Variants in DCC observed in about 807,000 individuals in gnomAD.
The protein encoded by DCC is DCC netrin 1 receptor.
DCC carries 58 observed loss-of-function variants against 172.5 expected under a neutral mutation model. The ratio of observed to expected loss-of-function variants is 0.34; its 90% CI spans 0.27 to 0.42. The LOEUF (loss-of-function observed/expected upper bound fraction) is 0.42. Among genes scored for constraint, DCC ranks in the 10% least tolerant of loss-of-function variants. DCC has a pLI of 1.00. For synonymous variants in DCC, 709 were observed against 644.5 expected (o/e 1.10, Z -1.52); for missense variants, 1,740 against 1,791.0 (o/e 0.97, Z 0.51).
chr18:53,234,436 AAAAT>A (rs151068016), intron 12 of DCC, among the ~76,000 whole-genome samples: 6,561 of 151,822 alleles, frequency 0.043, 436 homozygotes, highest in African/African-American at 0.15. Flanking sequence ...TCAAATTAAA[AAAAT>A]AAATAAATAA....
chr18:53,135,234 G>A (rs1031551813), intron 7 of DCC, among the ~76,000 whole-genome samples: 1 of 152,222 alleles, frequency 6.6e-6, no homozygotes. Context: ...TGATGGGAGA[G>A]GCCAGGTAAT....
rs149752885 is a variant in DCC at position 53,330,521 on chromosome 18, C to T, written c.2164+8364C>T. Among the ~76,000 whole-genome samples the T allele has an allele frequency of 4.6e-5, 7 of 152,256 alleles. No individual in the cohort carries two copies. In the East Asian group the frequency reaches 1.4e-3, roughly 29 times the overall value. On this transcript the variant is annotated intron_variant, in intron 14 of 28. Coordinates refer to ENST00000442544, the MANE Select transcript of DCC (RefSeq NM_005215.4). ...TGCTATTTTTCTGGATACCTGTTTG[C>T]TCTCCCTCCTCTCTAGACCCCATAG... is the stretch of plus-strand genomic sequence containing the variant.
At chr18:53,047,320 A>G (rs2042261121) in intron 5 of DCC, among the ~76,000 whole-genome samples, 1 of 78,666 alleles carries the variant, frequency 1.3e-5, no homozygotes, top group Admixed American at 1.4e-4. Context: ...TTTTATATAT[A>G]TATAATTTTA....
Position 52,963,338 on chromosome 18 carries a change from C to T in DCC, c.985+37968C>T, listed in dbSNP as rs147886669. 5.3e-5 allele frequency among the ~76,000 whole-genome samples: 8 copies of T among 151,226 alleles called. No homozygotes were observed. In the South Asian group the frequency reaches 6.3e-4, roughly 12 times the overall value. ...AAAGGCCCGGTGTGAAAAATGTTTT[C>T]TAGGAGAATGATATTAAATTGATAT... On this transcript the variant is annotated intron_variant, in intron 5 of 28. Coordinates refer to ENST00000442544, the MANE Select transcript of DCC (RefSeq NM_005215.4).
Position 52,959,821 on chromosome 18 carries a change from G to T in DCC, c.985+34451G>T, listed in dbSNP as rs78364356. ...AAAATAAGTCAATATACTATTCAAA[G>T]AATTTCATGGGATACTAGTATGTTT... On this transcript the variant is annotated intron_variant, in intron 5 of 28. Transcript: ENST00000442544. Among the ~76,000 whole-genome samples, 350 of 152,192 alleles carry T rather than the reference G, an allele frequency of 2.3e-3. 2 individuals are homozygous for T. Among genetic ancestry groups the T allele is most frequent in the Non-Finnish European group, 3.9e-3 (267 of 68,000 alleles).
intron 2 of DCC, among the ~76,000 whole-genome samples, chr18:52,862,077 G>T (rs1425803936): frequency 6.6e-6 from 1 of 152,018 alleles, no homozygotes; most frequent in Non-Finnish European, 1.5e-5. Context: ...ATCTCATACA[G>T]TATTAGAACA....
intron 1 of DCC, among the ~76,000 whole-genome samples, chr18:52,526,983 C>T (rs1173913802): frequency 6.6e-5 from 10 of 152,296 alleles, no homozygotes; most frequent in South Asian, 2.1e-4. Context: ...CAAAGTCACA[C>T]GCCAATGCTT....
At chr18:52,404,428 G>A (rs1172015504) in intron 1 of DCC, among the ~76,000 whole-genome samples, 4 of 149,736 alleles carry the variant, frequency 2.7e-5, no homozygotes, top group Non-Finnish European at 1.5e-5. Flanking sequence ...TACGCTGACT[G>A]TGTGCCTTCC....
At chr18:52,805,863 C>CA (rs1460507365) in intron 2 of DCC, among the ~76,000 whole-genome samples, 1 of 152,160 alleles carries the variant, frequency 6.6e-6, no homozygotes, top group African/African-American at 2.4e-5. Context: ...TACCAGCTGA[C>CA]ATGTGGATTT....
chr18:52,945,635 T>G (rs2145534857), intron 5 of DCC, among the ~76,000 whole-genome samples: 1 of 152,346 alleles, frequency 6.6e-6, no homozygotes, highest in Admixed American at 6.5e-5. Context: ...GAGTTGATGC[T>G]GGCACTGCCA....
chr18:52,591,793 T>TA (rs2033806919), intron 1 of DCC, among the ~76,000 whole-genome samples: 3 of 149,418 alleles, frequency 2.0e-5, no homozygotes, highest in African/African-American at 7.3e-5. Flanking sequence ...ATTTCTTTTT[T>TA]TTTTTTTTTT....
At chr18:52,810,329 C>T (rs188244819) in intron 2 of DCC, among the ~76,000 whole-genome samples, 88 of 152,238 alleles carry the variant, frequency 5.8e-4, no homozygotes, top group African/African-American at 2.1e-3. Context: ...GAGAACGATG[C>T]AAGCCAGGGA....
At chr18:53,346,326 T>G (rs1399928654) in intron 15 of DCC, among the ~76,000 whole-genome samples, 1 of 152,146 alleles carries the variant, frequency 6.6e-6, no homozygotes, top group East Asian at 1.9e-4. Flanking sequence ...ATCTGTAAAT[T>G]TATGATTTCA....
intron 14 of DCC, among the ~76,000 whole-genome samples, chr18:53,335,517 A>G (rs1472222361): frequency 6.6e-6 from 1 of 152,204 alleles, no homozygotes; most frequent in Non-Finnish European, 1.5e-5. Flanking sequence ...GTCTGCATTC[A>G]TGTTACAGAG....
intron 5 of DCC, among the ~76,000 whole-genome samples, chr18:53,009,041 C>T (rs1162739496): frequency 6.6e-6 from 1 of 151,872 alleles, no homozygotes; most frequent in Non-Finnish European, 1.5e-5. Context: ...ATACTCTAAT[C>T]ATCATCATTA....
intron 12 of DCC, among the ~76,000 whole-genome samples, chr18:53,240,209 G>A (rs919322866): frequency 2.0e-5 from 3 of 151,688 alleles, no homozygotes; most frequent in African/African-American, 7.3e-5. Flanking sequence ...TTTAAAAGGG[G>A]AAGAAAAATC....
At chr18:53,443,519 T>A (rs533765655) in intron 22 of DCC, among the ~76,000 whole-genome samples, 3 of 152,358 alleles carry the variant, frequency 2.0e-5, no homozygotes, top group African/African-American at 4.8e-5. Flanking sequence ...AAGAGATTAA[T>A]GCTGTTTTCA....
At chr18:52,388,026 T>C (rs1008590170) in intron 1 of DCC, among the ~76,000 whole-genome samples, 3 of 151,986 alleles carry the variant, frequency 2.0e-5, no homozygotes, top group Non-Finnish European at 4.4e-5. Context: ...ACTAATCACA[T>C]CGTGGTCTAT....
At chr18:52,620,293 T>C (rs1268562354) in intron 1 of DCC, among the ~76,000 whole-genome samples, 1 of 152,212 alleles carries the variant, frequency 6.6e-6, no homozygotes. Flanking sequence ...TTCTATTAAT[T>C]GCAGGAGGCA....
Sources: gnomAD v4.1 joint callset for allele counts (sites outside exome capture counted in the v4.1 genomes callset) on GRCh38, gnomAD v4.1.1 for gene constraint, MANE v1.5 for transcripts, NCBI Gene and HGNC (gene_info 2026-07-23, HGNC 2026-07-21) for gene names.